The following ZNF385D variants were observed in gnomAD, a reference collection of about 807,000 sequenced individuals.
ZNF385D encodes the protein zinc finger protein 659.
ZNF385D carries 15 observed loss-of-function variants against 35.8 expected under a neutral mutation model. The ratio of observed to expected loss-of-function variants is 0.42; its 90% CI spans 0.28 to 0.64. The LOEUF is 0.64. Ranked by LOEUF, ZNF385D falls within the 30% of genes least tolerant of loss-of-function variation. ZNF385D has a pLI of 0.23. For missense variants in ZNF385D, 474 were observed against 494.6 expected, an observed-to-expected ratio of 0.96 and a Z score of 0.39; for synonymous variants, 212 against 186.8, an observed-to-expected ratio of 1.13 and a Z score of -1.10.
chr3:21,458,601 A>G (rs1017986886), intron 4 of ZNF385D, among the ~76,000 whole-genome samples: 2 of 152,132 alleles, frequency 1.3e-5, no homozygotes, highest in Admixed American at 1.3e-4. Context: ...TTATAATGGA[A>G]TATTATTCTG....
chr3:21,514,344 G>A, intron 3 of ZNF385D, among the ~76,000 whole-genome samples: 1 of 152,070 alleles, frequency 6.6e-6, no homozygotes, highest in Non-Finnish European at 1.5e-5. Flanking sequence ...TAAAACTAAA[G>A]CAGAATCGAG....
At chr3:22,320,074 AG>A (rs1366591201) in intron 2 of ZNF385D, among the ~76,000 whole-genome samples, 1 of 150,758 alleles carries the variant, frequency 6.6e-6, no homozygotes, top group Non-Finnish European at 1.5e-5. Context: ...TTTTTTTTTA[AG>A]GAGTACATAG....
chr3:21,754,137 G>A (rs1294625138), upstream of ZNF385D, among the ~76,000 whole-genome samples: 2 of 152,084 alleles, frequency 1.3e-5, no homozygotes, highest in Admixed American at 6.5e-5. Flanking sequence ...CAATGAACAT[G>A]GTAGTACACA....
chr3:22,370,351 A>G (rs772066164), intron 2 of ZNF385D, among the ~76,000 whole-genome samples: 1 of 152,230 alleles, frequency 6.6e-6, no homozygotes, highest in Non-Finnish European at 1.5e-5. Flanking sequence ...ATTTACAATA[A>G]CAGGACTCAA....
At chr3:22,274,183 G>A (rs1272790674) in intron 2 of ZNF385D, among the ~76,000 whole-genome samples, 1 of 151,820 alleles carries the variant, frequency 6.6e-6, no homozygotes, top group Admixed American at 6.6e-5. Context: ...AACAAAACAA[G>A]TTCAATCAGA....
At chr3:21,434,638 G>C (rs1701463111) in intron 5 of ZNF385D, among the ~76,000 whole-genome samples, 1 of 152,102 alleles carries the variant, frequency 6.6e-6, no homozygotes, top group Non-Finnish European at 1.5e-5. Context: ...ATCAAAAATG[G>C]TGGACAGAGG....
At chr3:21,424,457 G>A (rs951451695) in intron 6 of ZNF385D, among the ~76,000 whole-genome samples, 1 of 149,174 alleles carries the variant, frequency 6.7e-6, no homozygotes, top group African/African-American at 2.5e-5. Context: ...GAGACTACAG[G>A]TGCCCACCAC....
At chr3:21,444,651 T>C (rs1324074204) in intron 4 of ZNF385D, among the ~76,000 whole-genome samples, 1 of 152,072 alleles carries the variant, frequency 6.6e-6, no homozygotes, top group Admixed American at 6.6e-5. Context: ...CCTCCCAAAG[T>C]GCTGGGATTA....
chr3:22,134,730 G>A (rs1475815176), intron 3 of ZNF385D, among the ~76,000 whole-genome samples: 1 of 152,180 alleles, frequency 6.6e-6, no homozygotes, highest in Admixed American at 6.5e-5. Context: ...AGAAGTCCAA[G>A]ATTGAGGGTC....
intron 3 of ZNF385D, among the ~76,000 whole-genome samples, chr3:22,014,037 T>C (rs1211476495): frequency 6.6e-6 from 1 of 152,012 alleles, no homozygotes; most frequent in African/African-American, 2.4e-5. Context: ...CCCCAAGAAA[T>C]ACAGATACGT....
At chr3:21,709,588 C>T (rs555794345) in intron 1 of ZNF385D, among the ~76,000 whole-genome samples, 17 of 152,240 alleles carry the variant, frequency 1.1e-4, no homozygotes, top group African/African-American at 3.9e-4. Context: ...AGAAGTGACT[C>T]TTGAATGATA....
At chr3:21,582,002 C>T (rs1028216733) in intron 2 of ZNF385D, among the ~76,000 whole-genome samples, 2 of 152,164 alleles carry the variant, frequency 1.3e-5, no homozygotes, top group Admixed American at 6.5e-5. Flanking sequence ...AATGTTCTGT[C>T]TTCCACCAAT....
intron 1 of ZNF385D, among the ~76,000 whole-genome samples, chr3:21,736,376 A>G (rs1332883893): frequency 6.6e-6 from 1 of 152,258 alleles, no homozygotes. Flanking sequence ...TTTTTTAAAA[A>G]GTATGGAATT....
chr3:21,510,732 T>G, intron 4 of ZNF385D, 129 bp downstream of exon 4: 1 of 1,203,780 alleles, frequency 8.3e-7, no homozygotes, highest in South Asian at 1.5e-5. Flanking sequence ...CAATTACCAT[T>G]ATACAGAAAG....
chr3:22,172,147 C>A (rs1444149517), intron 2 of ZNF385D, among the ~76,000 whole-genome samples: 1 of 152,134 alleles, frequency 6.6e-6, no homozygotes, highest in African/African-American at 2.4e-5. Flanking sequence ...TAACCTTCAC[C>A]CCTCAGAACC....
chr3:21,912,143 C>G (rs1249667236), intron 3 of ZNF385D, among the ~76,000 whole-genome samples: 1 of 151,906 alleles, frequency 6.6e-6, no homozygotes, highest in African/African-American at 2.4e-5. Context: ...CAATACAAAG[C>G]TATCGTGTTG....
chr3:21,809,834 T>C (rs2072831524), intron 3 of ZNF385D, among the ~76,000 whole-genome samples: 1 of 151,682 alleles, frequency 6.6e-6, no homozygotes, highest in Admixed American at 6.6e-5. Flanking sequence ...AACCAGAATA[T>C]AAACCAAAAG....
In ZNF385D at chr3:21,828,998, G is replaced by A. The variant is rs182290023; in HGVS notation, c.326-163970C>T. On this transcript the variant is annotated intron_variant, in intron 3 of 5. Transcript: ENST00000494108. The stretch of plus-strand genomic sequence containing the variant: ...GGACCCTTAAGGAAGGGCCCATCTG[G>A]ATAATCCAGAATAATCTTTCCATCT... 3.3e-3 allele frequency among the ~76,000 whole-genome samples: 498 copies of A among 152,162 alleles called. 4 individuals are homozygous for A. Among genetic ancestry groups the A allele is most frequent in the African/African-American group, 0.011 (475 of 41,522 alleles).
At chr3:21,458,169 G>A (rs1329809867) in intron 4 of ZNF385D, among the ~76,000 whole-genome samples, 3 of 152,012 alleles carry the variant, frequency 2.0e-5, no homozygotes. Flanking sequence ...TGTAACTCAA[G>A]GTTAAGAAAC....
Sources: gnomAD v4.1 joint callset for allele counts (sites outside exome capture counted in the v4.1 genomes callset) on GRCh38, gnomAD v4.1.1 for gene constraint, MANE v1.5 for transcripts, NCBI Gene and HGNC (gene_info 2026-07-23, HGNC 2026-07-21) for gene names.